HMCN1: variants seen among roughly 807,000 people sequenced by gnomAD.
The protein encoded by HMCN1 is hemicentin-1.
Under a neutral mutation model 625.9 loss-of-function variants are expected in HMCN1, and 321 were observed. The ratio of observed to expected loss-of-function variants is 0.51; its 90% CI spans 0.47 to 0.56. The LOEUF (loss-of-function observed/expected upper bound fraction) is 0.56. Among genes scored for constraint, HMCN1 ranks in the 20% least tolerant of loss-of-function variants. The pLI is 0.00. For missense variants in HMCN1, 6,588 were observed against 6,887.3 expected (o/e 0.96, Z 1.54); for synonymous variants, 2,425 against 2,417.6 (o/e 1.00, Z -0.09).
intron 4 of HMCN1, among the ~76,000 whole-genome samples, chr1:185,894,300 GC>G (rs147529135): frequency 0.064 from 9,673 of 152,166 alleles, 1,078 homozygotes; most frequent in African/African-American, 0.22. Context: ...GTGAGATTCA[GC>G]CACATCATTG....
At chr1:185,949,725 C>A (rs896808095) in intron 11 of HMCN1, among the ~76,000 whole-genome samples, 23 of 151,832 alleles carry the variant, frequency 1.5e-4, no homozygotes, top group Admixed American at 1.4e-3. Flanking sequence ...GTAGGAAAGG[C>A]CTCTACCTAT....
At chr1:186,132,467 G>A (rs1219060298) in intron 86 of HMCN1, 58 bp downstream of exon 86, 1 of 1,308,782 alleles carries the variant, frequency 7.6e-7, no homozygotes, top group Non-Finnish European at 1.1e-6. Context: ...ACCTAATAAA[G>A]AGTATTTATT....
intron 16 of HMCN1, among the ~76,000 whole-genome samples, chr1:185,979,933 C>A (rs147933389): frequency 1.0e-3 from 157 of 152,224 alleles, no homozygotes; most frequent in African/African-American, 3.6e-3. Context: ...CAAGACAAAA[C>A]CATACTCTTG....
At chr1:185,757,961 G>A (rs907835350) in intron 1 of HMCN1, among the ~76,000 whole-genome samples, 4 of 152,158 alleles carry the variant, frequency 2.6e-5, no homozygotes, top group Non-Finnish European at 5.9e-5. Flanking sequence ...GGGCAGAATT[G>A]AAGGCAAAAT....
At chr1:185,935,849 A>G (rs537834422) in intron 11 of HMCN1, among the ~76,000 whole-genome samples, 7 of 152,294 alleles carry the variant, frequency 4.6e-5, no homozygotes, top group Admixed American at 3.9e-4. Flanking sequence ...TAGAAAAGCT[A>G]TGGGTATTTG....
In HMCN1 at chr1:186,016,088, AC is replaced by A. The variant is rs775810236; in HGVS notation, c.5042del (p.Pro1681LeufsTer2). 6.2e-7 allele frequency: 1 copy of A among 1,613,518 alleles called. No homozygotes were observed. The highest frequency in any genetic ancestry group is 1.1e-5 in the South Asian group (1 of 91,072). On this transcript the variant is annotated frameshift_variant, in exon 32 of 107. Coordinates refer to ENST00000271588, the MANE Select transcript of HMCN1 (RefSeq NM_031935.3). LOFTEE classifies it high-confidence loss of function. ...PILTWLKDGV[P>X]VKANDNIRIE... is the part of the protein sequence containing the mutation. ...TTCTCACCTGGTTGAAAGATGGTGTACCTGTGAAAGCTAATGACAATATCCG... is the reference window on the plus strand; with the variant it reads ...TTCTCACCTGGTTGAAAGATGGTGTACTGTGAAAGCTAATGACAATATCCG...
chr1:185,811,347 A>C (rs768177454), intron 1 of HMCN1, among the ~76,000 whole-genome samples: 2 of 152,084 alleles, frequency 1.3e-5, no homozygotes, highest in African/African-American at 2.4e-5. Flanking sequence ...TGTTCTCCAC[A>C]TCACAGTCTA....
rs1336217313 is a variant in HMCN1 at position 185,846,025 on chromosome 1, G to A, written c.269-1G>A. On this transcript the variant is annotated splice_acceptor_variant, in intron 1 of 106. Coordinates refer to ENST00000271588, the MANE Select transcript of HMCN1 (RefSeq NM_031935.3). LOFTEE classifies it high-confidence loss of function. ...GACCTATGTTATTTTTATCTTCACA[G>A]AAATTGGCCCAGTGACAATTACCAC... 1 of 1,597,858 alleles carries A rather than the reference G, an allele frequency of 6.3e-7. No homozygotes were observed. Among genetic ancestry groups the A allele is most frequent in the Non-Finnish European group, 8.6e-7 (1 of 1,165,628 alleles).
At chr1:185,820,084 T>C (rs1571400192) in intron 1 of HMCN1, among the ~76,000 whole-genome samples, 2 of 152,278 alleles carry the variant, frequency 1.3e-5, no homozygotes, top group East Asian at 1.9e-4. Context: ...CTGACAAATA[T>C]GTGCATGCTA....
At chr1:185,963,918 G>T (rs770081711) in intron 13 of HMCN1, 23 bp downstream of exon 13, 5 of 1,601,768 alleles carry the variant, frequency 3.1e-6, no homozygotes, top group Non-Finnish European at 3.4e-6. Context: ...ACTTTAAAAG[G>T]CAATTAAAAT....
chr1:186,130,544 G>A lies in HMCN1; in HGVS notation c.13077G>A (p.Trp4359Ter). 1 of 1,613,416 alleles carries A rather than the reference G, an allele frequency of 6.2e-7. No individual in the cohort carries two copies. The highest frequency in any genetic ancestry group is 8.5e-7 in the Non-Finnish European group (1 of 1,179,592). The stretch of plus-strand genomic sequence containing the variant: ...TCAAAGGTGATTATCCTTCTAACTG[G>A]ATTGAACCACTTGGTGGGAATGCAA... ...PVFKGDYPSN[W>*]IEPLGGNAIL... Residue 4359 changes from tryptophan to a stop codon, truncating the protein, a stop_gained, in exon 85 of 107, where the codon TGG (tryptophan) becomes TGA (stop). Transcript: ENST00000271588. LOFTEE classifies it high-confidence loss of function.
intron 1 of HMCN1, among the ~76,000 whole-genome samples, chr1:185,784,223 G>A (rs1012423317): frequency 6.6e-6 from 1 of 152,194 alleles, no homozygotes; most frequent in Non-Finnish European, 1.5e-5. Context: ...TAGGATGGGA[G>A]TGACCCAATT....
rs775795927 is a variant in HMCN1 at position 186,114,020 on chromosome 1, C to A, written c.11173C>A (p.Leu3725Ile). The change falls in exon 73 of 107, where the codon CTT (leucine) becomes ATT (isoleucine). Residue 3725 changes from leucine (L) to isoleucine (I), a missense_variant. By Grantham distance (5) the Leu-to-Ile change is conservative. Around this residue, in one of 3 missense-constraint regions of HMCN1, gnomAD observed 4,628 missense variants for 4,853.1 expected, o/e 0.95. Coordinates refer to ENST00000271588, the MANE Select transcript of HMCN1 (RefSeq NM_031935.3). Reference protein sequence around the residue: ...IKGGPQSLVILLNKSTVLECI... With the variant: ...IKGGPQSLVIILNKSTVLECI... The stretch of plus-strand genomic sequence containing the variant: ...GGGGGGCCCCCAGAGCCTTGTAATT[C>A]TTTTAAATAAGTCAACTGTATTGGA... The A allele has an allele frequency of 1.2e-6, 2 of 1,614,100 alleles. No homozygotes were observed. Among genetic ancestry groups the A allele is most frequent in the Admixed American group, 3.3e-5 (2 of 60,014 alleles).
chr1:185,845,978 A>G (rs764993236), intron 1 of HMCN1, 48 bp from the exon 2 acceptor site: 4 of 1,191,554 alleles, frequency 3.4e-6, no homozygotes, highest in Non-Finnish European at 5.0e-6. Flanking sequence ...AAAGTCTTTA[A>G]TGCCATTGAT....
intron 95 of HMCN1, among the ~76,000 whole-genome samples, chr1:186,152,109 C>T (rs1483210130): frequency 6.6e-6 from 1 of 152,152 alleles, no homozygotes. Flanking sequence ...AATTAGGATA[C>T]TTTATAGCAG....
intron 4 of HMCN1, among the ~76,000 whole-genome samples, chr1:185,905,797 A>G (rs892363297): frequency 5.9e-5 from 9 of 151,822 alleles, no homozygotes; most frequent in Non-Finnish European, 7.4e-5. Flanking sequence ...AAATATAACT[A>G]TTGAGCCAGA....
At chr1:185,775,008 C>T (rs541192830) in intron 1 of HMCN1, among the ~76,000 whole-genome samples, 1 of 151,562 alleles carries the variant, frequency 6.6e-6, no homozygotes, top group South Asian at 2.1e-4. Flanking sequence ...GTCACTAATT[C>T]ACACCATTTT....
In HMCN1 at chr1:186,055,514, A is replaced by G. The variant is rs1335416128; in HGVS notation, c.6984A>G (p.Lys2328=). ...CACCACCAACAGTGACCTGGATGAAAGATGGCCACCCCTTGATCAAGGCAA... is the reference window on the plus strand; with the variant it reads ...CACCACCAACAGTGACCTGGATGAAGGATGGCCACCCCTTGATCAAGGCAA... The part of the protein sequence containing the change: ...GIPPPTVTWM[K]DGHPLIKAKG... The change falls in exon 45 of 107, where the codon AAA becomes AAG. Residue 2328 remains lysine (K), a synonymous_variant. Transcript: ENST00000271588. 1.9e-6 allele frequency: 3 copies of G among 1,612,970 alleles called. No homozygotes were observed. Among genetic ancestry groups the G allele is most frequent in the Non-Finnish European group, 2.5e-6 (3 of 1,179,316 alleles).
intron 1 of HMCN1, among the ~76,000 whole-genome samples, chr1:185,787,677 T>G (rs75544488): frequency 0.05 from 7,619 of 152,282 alleles, 586 homozygotes; most frequent in African/African-American, 0.17. Flanking sequence ...AGTGCTAGAA[T>G]GTATTTTACC....
Sources: gnomAD v4.1 joint callset for allele counts (sites outside exome capture counted in the v4.1 genomes callset) on GRCh38, gnomAD v4.1.1 for gene constraint, gnomAD v4.1.1 regional missense constraint, MANE v1.5 for transcripts, NCBI Gene and HGNC (gene_info 2026-07-23, HGNC 2026-07-21) for gene names.